The following IGFL4 variants were observed in gnomAD, a reference collection of about 807,000 sequenced individuals.
IGFL4 encodes the protein IGF like family member 4.
A neutral mutation model predicts 15.4 loss-of-function variants in IGFL4; 12 were observed. That is an observed-to-expected ratio of 0.78 (90% CI 0.50 to 1.26). The LOEUF (loss-of-function observed/expected upper bound fraction) is 1.26. IGFL4 is among the 50% of genes most tolerant of loss of function. The probability of loss-of-function intolerance (pLI) is 0.00; values close to 1 mark genes in which losing one functional copy is unlikely to be tolerated. For missense variants in IGFL4, 126 were observed against 147.8 expected, an observed-to-expected ratio of 0.85 and a Z score of 0.76; for synonymous variants, 54 against 55.9, an observed-to-expected ratio of 0.97 and a Z score of 0.16.
chr19:46,062,989 C>G (rs1182564670), intron 1 of IGFL4: 4 of 152,206 alleles, frequency 2.6e-5, no homozygotes, highest in Non-Finnish European at 5.9e-5. Context: ...AGTGCCAAAC[C>G]TGTTCTTAGC....
upstream of IGFL4, among the ~76,000 whole-genome samples, chr19:46,044,678 C>T (rs1969281032): frequency 6.6e-6 from 1 of 152,204 alleles, no homozygotes; most frequent in African/African-American, 2.4e-5. Flanking sequence ...TCCCTGACCC[C>T]ATTCCTCCTG....
intron 1 of IGFL4, among the ~76,000 whole-genome samples, chr19:46,076,171 C>T (rs893701836): frequency 6.6e-6 from 1 of 152,228 alleles, no homozygotes; most frequent in African/African-American, 2.4e-5. Flanking sequence ...TAATCCCACT[C>T]ATGAGGGAGG....
chr19:46,065,650 T>C (rs1305433862), intron 1 of IGFL4, among the ~76,000 whole-genome samples: 1 of 152,250 alleles, frequency 6.6e-6, no homozygotes, highest in East Asian at 1.9e-4. Context: ...TCTGCAGATA[T>C]TAAGCAAATG....
At chr19:46,072,673 C>G (rs914072533) in intron 1 of IGFL4, among the ~76,000 whole-genome samples, 1 of 152,182 alleles carries the variant, frequency 6.6e-6, no homozygotes, top group Non-Finnish European at 1.5e-5. Flanking sequence ...GGCCAGAGCC[C>G]TTATGATGTG....
chr19:46,073,392 C>T (rs1969564658), intron 1 of IGFL4, among the ~76,000 whole-genome samples: 1 of 152,046 alleles, frequency 6.6e-6, no homozygotes, highest in Non-Finnish European at 1.5e-5. Context: ...ACTGGAGCTC[C>T]CTTGAGCTAT....
chr19:46,045,596 A>G (rs1045590671), upstream of IGFL4, among the ~76,000 whole-genome samples: 6 of 152,242 alleles, frequency 3.9e-5, no homozygotes, highest in African/African-American at 1.4e-4. Context: ...ACCCAATGGA[A>G]CTGGAAAACA....
chr19:46,040,454 C>A lies in IGFL4; in HGVS notation c.71-38G>T. ...GGGCTGGATGGGCTGCAAGGACCAG[C>A]CTAGGACCACCTCCCCACCAACCTT... On this transcript the variant is annotated intron_variant, in intron 2 of 3. Coordinates refer to ENST00000377697, the MANE Select transcript of IGFL4 (RefSeq NM_001002923.3). This position sits in a 1 kb window ranked among gnomAD's most constrained non-coding sequence, Gnocchi z 4.1. 1 of 1,613,838 alleles carries A rather than the reference C, an allele frequency of 6.2e-7. No individual in the cohort carries two copies. The highest frequency in any genetic ancestry group is 1.1e-5 in the South Asian group (1 of 91,086).
chr19:46,052,966 GAAA>G (rs71175255), intron 2 of IGFL4, among the ~76,000 whole-genome samples: 4 of 112,450 alleles, frequency 3.6e-5, no homozygotes, highest in Admixed American at 1.0e-4. Context: ...AGTCAGAAAA[GAAA>G]AAAAAAAAAA....
At chr19:46,067,868 T>C (rs1235928128) in intron 1 of IGFL4, among the ~76,000 whole-genome samples, 1 of 152,186 alleles carries the variant, frequency 6.6e-6, no homozygotes, top group East Asian at 1.9e-4. Context: ...GATAAGCCCA[T>C]GAGTAAGCCC....
intron 1 of IGFL4, among the ~76,000 whole-genome samples, chr19:46,072,363 G>A (rs998982639): frequency 1.1e-4 from 16 of 152,150 alleles, no homozygotes; most frequent in African/African-American, 3.4e-4. Flanking sequence ...GAAGAAGTGC[G>A]AGCCCCCCAA....
chr19:46,073,042 A>G (rs79775625), intron 1 of IGFL4, among the ~76,000 whole-genome samples: 3,388 of 152,274 alleles, frequency 0.022, 59 homozygotes, highest in Middle Eastern at 0.065. Flanking sequence ...TGGATCCTGG[A>G]GCAGGAAGTG....
intron 2 of IGFL4, among the ~76,000 whole-genome samples, chr19:46,053,577 A>C (rs1256313753): frequency 6.6e-6 from 1 of 152,154 alleles, no homozygotes; most frequent in Admixed American, 6.5e-5. Flanking sequence ...TACTGCAATA[A>C]ACATGGAGGT....
At chr19:46,048,131 T>C (rs928784226) in intron 2 of IGFL4, among the ~76,000 whole-genome samples, 1 of 152,178 alleles carries the variant, frequency 6.6e-6, no homozygotes, top group African/African-American at 2.4e-5. Context: ...AAGCAACAAA[T>C]GTGATTCATC....
chr19:46,067,955 C>T (rs1260726777), intron 1 of IGFL4, among the ~76,000 whole-genome samples: 2 of 152,192 alleles, frequency 1.3e-5, no homozygotes, highest in Admixed American at 6.5e-5. Context: ...ATTCTTTGGT[C>T]CCTTGGATCA....
At chr19:46,047,023 G>C (rs1969303141) in intron 2 of IGFL4, among the ~76,000 whole-genome samples, 1 of 152,108 alleles carries the variant, frequency 6.6e-6, no homozygotes, top group Non-Finnish European at 1.5e-5. Flanking sequence ...CCTCGCAAAA[G>C]CAAAAGAACT....
chr19:46,074,361 TTAA>T (rs748428825), intron 1 of IGFL4, among the ~76,000 whole-genome samples: 2 of 151,806 alleles, frequency 1.3e-5, no homozygotes, highest in Non-Finnish European at 2.9e-5. Context: ...TTAACACTAC[TTAA>T]TAAACTCCCA....
intron 1 of IGFL4, among the ~76,000 whole-genome samples, chr19:46,076,045 A>G (rs1003672221): frequency 1.3e-5 from 2 of 152,214 alleles, no homozygotes; most frequent in Admixed American, 1.3e-4. Flanking sequence ...ACACCTGCAG[A>G]GTCAGTGTTT....
chr19:46,053,056 C>G (rs1969362297), intron 2 of IGFL4, among the ~76,000 whole-genome samples: 1 of 151,608 alleles, frequency 6.6e-6, no homozygotes, highest in Non-Finnish European at 1.5e-5. Context: ...GTTTCTGTAC[C>G]CTTTATGCAA....
upstream of IGFL4, chr19:46,041,109 AG>A: frequency 1.5e-6 from 1 of 669,106 alleles, no homozygotes; most frequent in East Asian, 2.9e-5. Context: ...AGGCAAAAAG[AG>A]CTGCAGGGAA....
Sources: allele counts gnomAD v4.1 joint callset (sites outside exome capture counted in the v4.1 genomes callset), GRCh38; gene constraint gnomAD v4.1.1; non-coding constraint Gnocchi (gnomAD v3.1); transcripts MANE v1.5; gene names NCBI Gene and HGNC (gene_info 2026-07-23, HGNC 2026-07-21).